VPS13B: variants seen among roughly 807,000 people sequenced by gnomAD.
The protein encoded by VPS13B is intermembrane lipid transfer protein VPS13B.
Under a neutral mutation model 426.4 loss-of-function variants are expected in VPS13B, and 285 were observed. The observed-to-expected ratio is 0.67, with a 90% CI of 0.61 to 0.74. The LOEUF (loss-of-function observed/expected upper bound fraction) is 0.74, where lower values mean the gene tolerates loss of function less well. Among genes scored for constraint, VPS13B ranks in the 30% least tolerant of loss-of-function variants. The probability of loss-of-function intolerance (pLI) is 0.00; values close to 1 mark genes in which losing one functional copy is unlikely to be tolerated. For missense variants in VPS13B, 4,537 were observed against 4,782.6 expected, an observed-to-expected ratio of 0.95 and a Z score of 1.51; for synonymous variants, 1,676 against 1,676.4, an observed-to-expected ratio of 1.00 and a Z score of 0.01.
chr8:99,772,814 C>G (rs1265291882), intron 40 of VPS13B, among the ~76,000 whole-genome samples: 3 of 152,176 alleles, frequency 2.0e-5, no homozygotes, highest in Non-Finnish European at 4.4e-5. Flanking sequence ...GCACACACTC[C>G]TGCATCCTCT....
At position 99,170,488 on chromosome 8, in the gene VPS13B, T is replaced by C. The variant is rs112748678; in HGVS notation, c.2333+325T>C. On this transcript the variant is annotated intron_variant, in intron 16 of 61. Coordinates refer to ENST00000357162, the MANE Select transcript of VPS13B (RefSeq NM_152564.5). ...TTTTCAAGAGTGGGTATAAAGATTT[T>C]AAAAAGTTATAAATTAATATTCAAG... 1.8e-3 allele frequency among the ~76,000 whole-genome samples: 273 copies of C among 152,034 alleles called. 1 individual carries two copies. Among genetic ancestry groups the C allele is most frequent in the African/African-American group, 6.2e-3 (259 of 41,552 alleles).
chr8:99,412,199 T>C (rs1404337084), intron 21 of VPS13B, among the ~76,000 whole-genome samples: 2 of 152,038 alleles, frequency 1.3e-5, no homozygotes, highest in African/African-American at 2.4e-5. Flanking sequence ...TGTTTTTCCA[T>C]TTGTATGGAA....
intron 19 of VPS13B, among the ~76,000 whole-genome samples, chr8:99,332,869 G>T (rs916501085): frequency 1.3e-4 from 20 of 151,612 alleles, no homozygotes; most frequent in Admixed American, 8.5e-4. Context: ...ATAAAAAGTT[G>T]GCTCACATGT....
intron 39 of VPS13B, among the ~76,000 whole-genome samples, chr8:99,725,666 G>A (rs570215196): frequency 4.6e-5 from 7 of 152,266 alleles, no homozygotes; most frequent in South Asian, 2.1e-4. Context: ...ATGAACTTCC[G>A]TGTTCTGTTT....
At chr8:99,805,226 A>G (rs1011127787) in intron 43 of VPS13B, among the ~76,000 whole-genome samples, 1 of 151,032 alleles carries the variant, frequency 6.6e-6, no homozygotes, top group Admixed American at 6.6e-5. Context: ...ACTGTAGGGT[A>G]AATTACTATA....
intron 3 of VPS13B, among the ~76,000 whole-genome samples, chr8:99,050,984 T>C (rs1843516233): frequency 6.6e-6 from 1 of 152,212 alleles, no homozygotes; most frequent in Non-Finnish European, 1.5e-5. Flanking sequence ...GTAGGTTGTC[T>C]GTTCACTCTG....
At chr8:99,436,348 T>C (rs1035730364) in intron 22 of VPS13B, among the ~76,000 whole-genome samples, 3 of 152,218 alleles carry the variant, frequency 2.0e-5, no homozygotes, top group Non-Finnish European at 2.9e-5. Context: ...TATATATCAC[T>C]TTGAATTAAT....
chr8:99,158,717 C>G (rs1030848520), intron 15 of VPS13B, among the ~76,000 whole-genome samples: 2 of 152,116 alleles, frequency 1.3e-5, no homozygotes, highest in Non-Finnish European at 2.9e-5. Context: ...ACATTTTAAG[C>G]CTGTGGAGAC....
intron 35 of VPS13B, among the ~76,000 whole-genome samples, chr8:99,668,942 A>G (rs143960628): frequency 6.6e-6 from 1 of 152,282 alleles, no homozygotes; most frequent in African/African-American, 2.4e-5. Flanking sequence ...CATGAGCTCT[A>G]TTCCATGTGT....
intron 43 of VPS13B, among the ~76,000 whole-genome samples, chr8:99,798,557 TC>T (rs1812973937): frequency 2.0e-5 from 3 of 152,102 alleles, no homozygotes; most frequent in Non-Finnish European, 4.4e-5. Context: ...TGTGATAGGG[TC>T]CTTTATCCAG....
chr8:99,713,781 G>A (rs914658508), intron 36 of VPS13B, among the ~76,000 whole-genome samples: 1 of 152,122 alleles, frequency 6.6e-6, no homozygotes, highest in African/African-American at 2.4e-5. Flanking sequence ...CTAGAGATGG[G>A]GTGGTAAAAA....
intron 44 of VPS13B, among the ~76,000 whole-genome samples, chr8:99,811,717 T>A (rs1037848992): frequency 4.6e-5 from 7 of 152,170 alleles, no homozygotes; most frequent in African/African-American, 1.7e-4. Flanking sequence ...ATAGGCAACT[T>A]GGCTGTATCC....
At chr8:99,565,571 T>A (rs1374253705) in intron 31 of VPS13B, among the ~76,000 whole-genome samples, 1 of 152,164 alleles carries the variant, frequency 6.6e-6, no homozygotes, top group African/African-American at 2.4e-5. Context: ...TTCTGAGAGA[T>A]TACGACTATT....
chr8:99,323,546 G>A (rs1192631526), intron 19 of VPS13B, among the ~76,000 whole-genome samples: 1 of 152,036 alleles, frequency 6.6e-6, no homozygotes, highest in African/African-American at 2.4e-5. Flanking sequence ...GGCACAACAA[G>A]GAATTGAACC....
chr8:99,442,677 G>C, intron 23 of VPS13B, 42 bp downstream of exon 23: 1 of 1,567,316 alleles, frequency 6.4e-7, no homozygotes, highest in Non-Finnish European at 8.7e-7. Context: ...TGTTTTATAT[G>C]GACATTTTTA....
chr8:99,797,485 C>G (rs1403693997), intron 43 of VPS13B, among the ~76,000 whole-genome samples: 1 of 152,138 alleles, frequency 6.6e-6, no homozygotes, highest in Non-Finnish European at 1.5e-5. Flanking sequence ...ATTGTCAACA[C>G]TGTTCTTTGC....
chr8:99,119,224 A>G (rs1259677149), intron 7 of VPS13B: 1 of 152,060 alleles, frequency 6.6e-6, no homozygotes, highest in Non-Finnish European at 1.5e-5. Flanking sequence ...TCTTTTAAAA[A>G]TTTTATTTTA....
intron 30 of VPS13B, among the ~76,000 whole-genome samples, chr8:99,540,014 TA>T (rs1478620172): frequency 0.075 from 84 of 1,124 alleles, 1 homozygote; most frequent in South Asian, 0.1. Flanking sequence ...ATAAATAAAT[TA>T]TATATATATA....
At chr8:99,739,143 A>G (rs1833958079) in intron 39 of VPS13B, among the ~76,000 whole-genome samples, 1 of 152,212 alleles carries the variant, frequency 6.6e-6, no homozygotes, top group Non-Finnish European at 1.5e-5. Context: ...TGCTTTTCCA[A>G]TGGTCTTAGC....
Sources: gnomAD v4.1 joint callset for allele counts (sites outside exome capture counted in the v4.1 genomes callset) on GRCh38, gnomAD v4.1.1 for gene constraint, MANE v1.5 for transcripts, NCBI Gene and HGNC (gene_info 2026-07-23, HGNC 2026-07-21) for gene names.